Variants in PPARGC1A observed in about 807,000 individuals in gnomAD.
The protein encoded by PPARGC1A is peroxisome proliferator-activated receptor gamma coactivator 1-alpha.
A neutral mutation model predicts 88.7 loss-of-function variants in PPARGC1A; 25 were observed. That is an observed-to-expected ratio of 0.28 (90% CI 0.21 to 0.39). The LOEUF (loss-of-function observed/expected upper bound fraction) is 0.39. Ranked by LOEUF, PPARGC1A falls within the 10% of genes least tolerant of loss-of-function variation. The probability of loss-of-function intolerance (pLI) is 1.00; values close to 1 mark genes in which losing one functional copy is unlikely to be tolerated. For synonymous variants in PPARGC1A, 363 were observed against 355.6 expected (o/e 1.02, Z -0.24); for missense variants, 880 against 968.7 (o/e 0.91, Z 1.22).
upstream of PPARGC1A, among the ~76,000 whole-genome samples, chr4:23,890,444 A>G (rs1055750067): frequency 1.3e-5 from 2 of 152,066 alleles, no homozygotes; most frequent in African/African-American, 4.8e-5. Flanking sequence ...CAGAGTAACT[A>G]TATTCTTAGC....
chr4:24,451,765 A>T, the PPARGC1A span, among the ~76,000 whole-genome samples: 1 of 152,100 alleles, frequency 6.6e-6, no homozygotes, highest in African/African-American at 2.4e-5. Flanking sequence ...TTTAGTAGAG[A>T]TGGGGTTTCA....
intron 7 of PPARGC1A, among the ~76,000 whole-genome samples, chr4:23,821,513 C>G (rs902571596): frequency 6.6e-6 from 1 of 151,790 alleles, no homozygotes; most frequent in Non-Finnish European, 1.5e-5. Context: ...TAAATAACTT[C>G]ATATATGAGA....
intron 5 of PPARGC1A, among the ~76,000 whole-genome samples, chr4:23,826,660 CT>C (rs1326550487): frequency 6.6e-6 from 1 of 150,616 alleles, no homozygotes; most frequent in Non-Finnish European, 1.5e-5. Flanking sequence ...TTTATTAGTT[CT>C]TACTTGTCAG....
intron 2 of PPARGC1A, among the ~76,000 whole-genome samples, chr4:23,847,598 A>T (rs1251624911): frequency 6.6e-6 from 1 of 152,232 alleles, no homozygotes; most frequent in African/African-American, 2.4e-5. Flanking sequence ...AGCAATGAGT[A>T]CCTGGGTTTA....
chr4:24,365,153 G>GA, the PPARGC1A span, among the ~76,000 whole-genome samples: 1,687 of 133,220 alleles, frequency 0.013, 29 homozygotes, highest in South Asian at 0.057. Flanking sequence ...AGATGGCATT[G>GA]AAAAAAAAAA....
the PPARGC1A span, among the ~76,000 whole-genome samples, chr4:24,377,565 TG>T: frequency 6.6e-6 from 1 of 152,266 alleles, no homozygotes; most frequent in African/African-American, 2.4e-5. Context: ...GTTTCAATCC[TG>T]GCCAAAGAGA....
At chr4:24,324,970 C>G in the PPARGC1A span, among the ~76,000 whole-genome samples, 1 of 152,166 alleles carries the variant, frequency 6.6e-6, no homozygotes, top group Non-Finnish European at 1.5e-5. Context: ...ATCACCTCCC[C>G]TCCTCACACC....
the PPARGC1A span, among the ~76,000 whole-genome samples, chr4:24,326,079 T>G: frequency 1.3e-5 from 2 of 152,122 alleles, no homozygotes; most frequent in Non-Finnish European, 2.9e-5. Flanking sequence ...CATCCTCCTC[T>G]TGTATTCTCC....
the PPARGC1A span, among the ~76,000 whole-genome samples, chr4:24,164,852 A>G: frequency 6.6e-6 from 1 of 152,114 alleles, no homozygotes; most frequent in African/African-American, 2.4e-5. Context: ...GGGGGAAGGA[A>G]GGCGGGCAAG....
At chr4:23,899,950 C>G (rs73803406), upstream of PPARGC1A, among the ~76,000 whole-genome samples, 2,618 of 151,242 alleles carry the variant, frequency 0.017, 76 homozygotes, top group African/African-American at 0.06. Flanking sequence ...GTTTAAAATG[C>G]ATAGAAAAGA....
At chr4:24,404,001 C>T in the PPARGC1A span, among the ~76,000 whole-genome samples, 2 of 152,100 alleles carry the variant, frequency 1.3e-5, no homozygotes, top group South Asian at 2.1e-4. Flanking sequence ...AGGTGGCTCA[C>T]GCCTGTAATC....
At chr4:24,254,188 AT>A in the PPARGC1A span, among the ~76,000 whole-genome samples, 1 of 152,180 alleles carries the variant, frequency 6.6e-6, no homozygotes, top group African/African-American at 2.4e-5. Context: ...ACTGCCTGGT[AT>A]CTTCTAAGTT....
the PPARGC1A span, among the ~76,000 whole-genome samples, chr4:24,239,843 G>T: frequency 2.0e-5 from 3 of 152,120 alleles, no homozygotes; most frequent in Non-Finnish European, 1.5e-5. Flanking sequence ...GGAAGAAGAT[G>T]GGGGATTGGA....
the PPARGC1A span, among the ~76,000 whole-genome samples, chr4:24,126,684 A>G: frequency 6.6e-6 from 1 of 152,226 alleles, no homozygotes; most frequent in Admixed American, 6.5e-5. Flanking sequence ...GCAAGTGTGG[A>G]AAAAGGTGGG....
At chr4:23,910,813 ATC>A in the PPARGC1A span, among the ~76,000 whole-genome samples, 4 of 78,926 alleles carry the variant, frequency 5.1e-5, no homozygotes, top group South Asian at 4.0e-4. Context: ...AACTATTGTT[ATC>A]TCTTTTTTTC....
At chr4:24,239,544 TAA>T in the PPARGC1A span, among the ~76,000 whole-genome samples, 1 of 152,184 alleles carries the variant, frequency 6.6e-6, no homozygotes, top group Admixed American at 6.5e-5. Flanking sequence ...ATTAGGGATA[TAA>T]GACAGGGCTA....
chr4:23,992,629 T>C, the PPARGC1A span, among the ~76,000 whole-genome samples: 1 of 151,180 alleles, frequency 6.6e-6, no homozygotes, highest in Non-Finnish European at 1.5e-5. Flanking sequence ...GGCTTTGTGA[T>C]TGTTAATCGT....
chr4:24,285,527 C>T, the PPARGC1A span, among the ~76,000 whole-genome samples: 2 of 152,106 alleles, frequency 1.3e-5, no homozygotes, highest in Non-Finnish European at 1.5e-5. Flanking sequence ...CTTACTATGG[C>T]GAGTGTTGTC....
At chr4:24,010,309 A>T in the PPARGC1A span, among the ~76,000 whole-genome samples, 1 of 152,178 alleles carries the variant, frequency 6.6e-6, no homozygotes, top group Non-Finnish European at 1.5e-5. Context: ...CTCAATAGAC[A>T]ACCTTAGTTT....
Sources: gnomAD v4.1 joint callset for allele counts (sites outside exome capture counted in the v4.1 genomes callset) on GRCh38, gnomAD v4.1.1 for gene constraint, MANE v1.5 for transcripts, NCBI Gene and HGNC (gene_info 2026-07-23, HGNC 2026-07-21) for gene names.